Variants in DGKB observed in about 807,000 individuals in gnomAD.
The protein encoded by DGKB is diacylglycerol kinase beta.
DGKB carries 67 observed loss-of-function variants against 114.3 expected under a neutral mutation model. The observed-to-expected ratio is 0.59, with a 90% CI of 0.48 to 0.72. The LOEUF is 0.72. Ranked by LOEUF, DGKB falls within the 30% of genes least tolerant of loss-of-function variation. The pLI, the probability that DGKB is intolerant of heterozygous loss-of-function variation, is 0.00. For synonymous variants in DGKB, 398 were observed against 323.1 expected (o/e 1.23, Z -2.49); for missense variants, 907 against 975.2 (o/e 0.93, Z 0.93).
intron 20 of DGKB, among the ~76,000 whole-genome samples, chr7:14,527,845 A>G (rs1270315011): frequency 6.6e-6 from 1 of 152,130 alleles, no homozygotes; most frequent in Non-Finnish European, 1.5e-5. Flanking sequence ...GTAAAAAACT[A>G]TCAATTCTTG....
At chr7:14,833,137 T>C (rs181881111) in intron 2 of DGKB, among the ~76,000 whole-genome samples, 2 of 152,232 alleles carry the variant, frequency 1.3e-5, no homozygotes, top group Admixed American at 6.6e-5. Context: ...CCCTGTAACA[T>C]GTGCTTATCT....
At chr7:14,924,635 A>C (rs986745368) in intron 1 of DGKB, among the ~76,000 whole-genome samples, 2 of 152,158 alleles carry the variant, frequency 1.3e-5, no homozygotes, top group Non-Finnish European at 2.9e-5. Context: ...TCTAATAAAA[A>C]TTCATCCATC....
intron 5 of DGKB, among the ~76,000 whole-genome samples, chr7:14,729,255 T>C (rs1409533526): frequency 1.3e-5 from 2 of 149,812 alleles, no homozygotes; most frequent in Non-Finnish European, 3.0e-5. Flanking sequence ...CCCGAGTAGC[T>C]GGGACTACAG....
intron 1 of DGKB, among the ~76,000 whole-genome samples, chr7:14,853,891 A>T (rs1849748921): frequency 7.2e-6 from 1 of 138,728 alleles, no homozygotes. Context: ...AAAAAAAAAA[A>T]AATTTATCAT....
chr7:14,422,211 G>C (rs978885748), intron 21 of DGKB, among the ~76,000 whole-genome samples: 2 of 151,958 alleles, frequency 1.3e-5, no homozygotes. Flanking sequence ...TTAATCTGGT[G>C]TCAACAAAGT....
rs868705336 is a variant in DGKB at position 14,919,091 on chromosome 7, C to A, written c.-188+55605G>T. 5.4e-3 allele frequency among the ~76,000 whole-genome samples: 664 copies of A among 124,086 alleles called. 1 individual carries two copies. The highest frequency in any genetic ancestry group is 0.016 in the African/African-American group (554 of 34,286). The allele number at this position is 124,086 out of a possible 152,430, so 81.4% of individuals were successfully genotyped here. A position where few individuals can be genotyped will look rare whatever the true frequency, so the allele number is the denominator to read the frequency against. On this transcript the variant is annotated intron_variant, in intron 1 of 4. Coordinates refer to the DGKB transcript ENST00000437998. The stretch of plus-strand genomic sequence containing the variant: ...ACACACACACACACACACACACACA[C>A]ACAAACACACACACACACACACACA...
chr7:14,639,932 G>T (rs1479377101), intron 13 of DGKB, among the ~76,000 whole-genome samples: 1 of 152,124 alleles, frequency 6.6e-6, no homozygotes, highest in Non-Finnish European at 1.5e-5. Context: ...CACTAAAGTG[G>T]GTTGAGAAGG....
intron 21 of DGKB, among the ~76,000 whole-genome samples, chr7:14,440,352 G>A (rs1233796744): frequency 1.3e-5 from 2 of 152,056 alleles, no homozygotes; most frequent in African/African-American, 4.8e-5. Context: ...AGCCTCCAGT[G>A]ATTTACTGAG....
At chr7:14,624,983 G>C (rs1180076043) in intron 14 of DGKB, among the ~76,000 whole-genome samples, 4 of 151,996 alleles carry the variant, frequency 2.6e-5, no homozygotes, top group Admixed American at 2.6e-4. Flanking sequence ...GAGAGACAGA[G>C]TGAGACTCTG....
chr7:14,660,427 T>C (rs991141063), intron 13 of DGKB, among the ~76,000 whole-genome samples: 1 of 152,126 alleles, frequency 6.6e-6, no homozygotes, highest in Non-Finnish European at 1.5e-5. Flanking sequence ...TATTGGTCTA[T>C]TCTTCCTGGT....
At chr7:14,687,569 T>C (rs1044565365) in intron 9 of DGKB, among the ~76,000 whole-genome samples, 7 of 152,220 alleles carry the variant, frequency 4.6e-5, no homozygotes, top group Non-Finnish European at 8.8e-5. Flanking sequence ...TTAAAATTTA[T>C]ATCCCCTCAA....
At chr7:14,508,475 A>T (rs1787452216) in intron 20 of DGKB, among the ~76,000 whole-genome samples, 1 of 152,186 alleles carries the variant, frequency 6.6e-6, no homozygotes, top group African/African-American at 2.4e-5. Flanking sequence ...AAGCTATTGT[A>T]TCTCCTGAAG....
intron 1 of DGKB, among the ~76,000 whole-genome samples, chr7:14,897,833 A>C: frequency 6.6e-6 from 1 of 151,946 alleles, no homozygotes; most frequent in African/African-American, 2.4e-5. Flanking sequence ...TTTGGTGGGC[A>C]GGGGGCAAAG....
intron 17 of DGKB, among the ~76,000 whole-genome samples, chr7:14,585,564 T>G (rs1800620212): frequency 6.6e-6 from 1 of 152,202 alleles, no homozygotes; most frequent in South Asian, 2.1e-4. Context: ...AAAATCCATG[T>G]CAATGGGCAT....
At chr7:14,849,286 G>A (rs1159627764) in intron 1 of DGKB, among the ~76,000 whole-genome samples, 1 of 151,282 alleles carries the variant, frequency 6.6e-6, no homozygotes, top group Non-Finnish European at 1.5e-5. Flanking sequence ...TCATCTGATA[G>A]GAGTAGCTAT....
chr7:14,241,329 C>T (rs2128365496), intron 23 of DGKB, among the ~76,000 whole-genome samples: 1 of 152,224 alleles, frequency 6.6e-6, no homozygotes, highest in Middle Eastern at 3.4e-3. Flanking sequence ...TCATGGCTAT[C>T]TGTAATTCTA....
rs61254918 is a variant in DGKB at position 14,729,520 on chromosome 7, T to C, written c.322+6521A>G. On this transcript the variant is annotated intron_variant, in intron 5 of 25. Transcript: ENST00000402815. ...ATGTCTTACAGTTCATACATTGCCC[T>C]TTGATGGGACATTAAAAAATTTTTG... 7.1e-3 allele frequency among the ~76,000 whole-genome samples: 1,086 copies of C among 152,314 alleles called. 9 individuals carry two copies. Among genetic ancestry groups the C allele is most frequent in the African/African-American group, 0.024 (1,013 of 41,556 alleles).
chr7:14,904,413 G>A (rs1461040078), upstream of DGKB, among the ~76,000 whole-genome samples: 3 of 152,064 alleles, frequency 2.0e-5, no homozygotes, highest in Non-Finnish European at 4.4e-5. Context: ...TGTAATCAGG[G>A]TTAATCAGGG....
intron 23 of DGKB, among the ~76,000 whole-genome samples, chr7:14,304,981 A>C (rs1459961515): frequency 6.6e-6 from 1 of 152,138 alleles, no homozygotes; most frequent in Non-Finnish European, 1.5e-5. Flanking sequence ...ACACCATTTG[A>C]GATTGCCACC....
Sources: gnomAD v4.1 joint callset for allele counts (sites outside exome capture counted in the v4.1 genomes callset) on GRCh38, gnomAD v4.1.1 for gene constraint, MANE v1.5 for transcripts, NCBI Gene and HGNC (gene_info 2026-07-23, HGNC 2026-07-21) for gene names.